The following USP34 variants were observed in gnomAD, a reference collection of about 807,000 sequenced individuals.
USP34 encodes ubiquitin carboxyl-terminal hydrolase 34.
In USP34, 70 loss-of-function variants were observed where a neutral mutation model predicts 460.3. That is an observed-to-expected ratio of 0.15 (90% CI 0.13 to 0.19). USP34 has a LOEUF of 0.19. Ranked by LOEUF, USP34 falls within the 10% of genes least tolerant of loss-of-function variation. The pLI is 1.00. For missense variants in USP34, 3,985 were observed against 4,236.2 expected, an observed-to-expected ratio of 0.94 and a Z score of 1.65; for synonymous variants, 1,647 against 1,405.3, an observed-to-expected ratio of 1.17 and a Z score of -3.85.
At chr2:61,201,559 C>G (rs1339941623) in intron 75 of USP34, among the ~76,000 whole-genome samples, 2 of 152,112 alleles carry the variant, frequency 1.3e-5, no homozygotes, top group African/African-American at 4.8e-5. Context: ...GAACTAAACC[C>G]TATGAGGCAA....
chr2:61,286,654 C>CA lies in USP34; in HGVS notation c.4750-1698dup, dbSNP rs199528159. ...TGGGCAACAGAGCTAGGCTCCGTCT[C>CA]AAAAAAAAACCCCAAACCACTGGCA... is the stretch of plus-strand genomic sequence containing the variant. On this transcript the variant is annotated intron_variant, in intron 34 of 79. Coordinates refer to ENST00000398571, the MANE Select transcript of USP34 (RefSeq NM_014709.4). Among the ~76,000 whole-genome samples, 1,180 of 149,678 alleles carry CA rather than the reference C, an allele frequency of 7.9e-3. 13 individuals carry two copies. Among genetic ancestry groups the CA allele is most frequent in the African/African-American group, 0.026 (1,057 of 40,770 alleles).
intron 15 of USP34, 71 bp from the exon 16 acceptor site, chr2:61,344,100 C>T: frequency 1.4e-6 from 2 of 1,429,606 alleles, no homozygotes; most frequent in Non-Finnish European, 1.9e-6. Flanking sequence ...ACAAAAAATA[C>T]CTCTCTTAAA....
intron 58 of USP34, among the ~76,000 whole-genome samples, chr2:61,231,422 T>C (rs1005296331): frequency 6.6e-6 from 1 of 152,110 alleles, no homozygotes; most frequent in Admixed American, 6.6e-5. Context: ...GTATAAGAAT[T>C]GTAACTTAGG....
intron 43 of USP34, among the ~76,000 whole-genome samples, chr2:61,264,081 A>T (rs1688976242): frequency 6.6e-6 from 1 of 152,234 alleles, no homozygotes; most frequent in Admixed American, 6.5e-5. Flanking sequence ...AACTGCTTTT[A>T]TAAGACTACG....
intron 72 of USP34, 77 bp downstream of exon 72, chr2:61,205,940 G>C (rs1408605243): frequency 8.9e-7 from 1 of 1,119,336 alleles, no homozygotes; most frequent in Non-Finnish European, 1.3e-6. Context: ...AACACTACAG[G>C]CTTAACATCA....
intron 53 of USP34, among the ~76,000 whole-genome samples, chr2:61,237,876 A>G (rs1262459981): frequency 6.6e-6 from 1 of 150,766 alleles, no homozygotes; most frequent in African/African-American, 2.4e-5. Context: ...CACCCTGCCC[A>G]GCCACCCTAG....
intron 41 of USP34, among the ~76,000 whole-genome samples, chr2:61,268,438 T>TAAAAAAA (rs35618230): frequency 7.5e-5 from 4 of 53,416 alleles, no homozygotes; most frequent in African/African-American, 2.2e-4. Context: ...GAGCTGTTGT[T>TAAAAAAA]AAAAAAAAAA....
chr2:61,451,977 C>T (rs1695292049), intron 1 of USP34, among the ~76,000 whole-genome samples: 1 of 151,930 alleles, frequency 6.6e-6, no homozygotes, highest in Admixed American at 6.6e-5. Flanking sequence ...AGATCGAGAC[C>T]ATCCTGGCTA....
At chr2:61,423,428 A>T (rs555218568) in intron 1 of USP34, among the ~76,000 whole-genome samples, 2 of 152,310 alleles carry the variant, frequency 1.3e-5, no homozygotes, top group South Asian at 4.1e-4. Flanking sequence ...TGAACAATTT[A>T]AAAAGGAAAT....
rs933959698 is a variant in USP34 at position 61,369,420 on chromosome 2, G to A, written c.1251+901C>T. 3.8e-4 allele frequency among the ~76,000 whole-genome samples: 57 copies of A among 151,968 alleles called. 1 individual carries two copies. Among genetic ancestry groups the A allele is most frequent in the Admixed American group, 3.5e-3 (53 of 15,260 alleles). ...AGCACACTGGGAGGCCGAGGTGGGC[G>A]GATCATGAGGTCAGGAGTTCGAGAC... On this transcript the variant is annotated intron_variant, in intron 10 of 79. Transcript: ENST00000398571.
chr2:61,204,222 T>C (rs768228878), intron 74 of USP34, 34 bp downstream of exon 74: 18 of 1,613,808 alleles, frequency 1.1e-5, no homozygotes, highest in African/African-American at 1.3e-5. Flanking sequence ...CTTTGTACTA[T>C]AGCAACATGG....
rs769366356 is a variant in USP34, at chr2:61,248,541, A to G, written c.6364T>C (p.Phe2122Leu). ...TTCCTCTCACTCTTTCCCATAAGAAAATCTTCTGTATAGGGCGTCATGTCC... is the reference window on the plus strand; with the variant it reads ...TTCCTCTCACTCTTTCCCATAAGAAGATCTTCTGTATAGGGCGTCATGTCC... Reference protein sequence around the residue: ...RLDMTPYTEDFLMGKSERKEG... With the variant: ...RLDMTPYTEDLLMGKSERKEG... Residue 2122 changes from phenylalanine to leucine, a missense_variant, in exon 49 of 80, where the codon TTT (phenylalanine) becomes CTT (leucine). Transcript: ENST00000398571. The G allele has an allele frequency of 6.4e-7, 1 of 1,572,648 alleles. No individual in the cohort carries two copies. Among genetic ancestry groups the G allele is most frequent in the South Asian group, 1.2e-5 (1 of 84,026 alleles).
At chr2:61,393,799 T>C (rs952158953) in intron 5 of USP34, among the ~76,000 whole-genome samples, 1 of 152,166 alleles carries the variant, frequency 6.6e-6, no homozygotes, top group East Asian at 1.9e-4. Context: ...ATGACCAGAA[T>C]AGGTTATTAA....
chr2:61,395,356 A>G, intron 3 of USP34, 123 bp from the exon 4 acceptor site: 1 of 646,534 alleles, frequency 1.5e-6, no homozygotes, highest in Non-Finnish European at 2.7e-6. Context: ...ATTACTCCTG[A>G]TAAGCAGTGA....
chr2:61,280,313 T>G lies in USP34; in HGVS notation c.5187A>C (p.Pro1729=). Residue 1729 remains proline (P), a synonymous_variant, in exon 39 of 80, where the codon CCA becomes CCC. Transcript: ENST00000398571. ...ACAACCAAAAATACTCTTTACATCC[T>G]GGTTTTAATATTGGTTCTTCCTCAT... ...DDYEEEPILK[P]GCKEYFWLLC... 1 of 1,556,542 alleles carries G rather than the reference T, an allele frequency of 6.4e-7. No individual in the cohort carries two copies. Among genetic ancestry groups the G allele is most frequent in the East Asian group, 2.4e-5 (1 of 42,058 alleles).
At chr2:61,355,540 G>A (rs1692076758) in intron 10 of USP34, among the ~76,000 whole-genome samples, 1 of 152,002 alleles carries the variant, frequency 6.6e-6, no homozygotes, top group South Asian at 2.1e-4. Context: ...TATACCTTTA[G>A]GAAGTTAAAT....
intron 1 of USP34, among the ~76,000 whole-genome samples, chr2:61,422,414 C>T (rs571130293): frequency 6.6e-6 from 1 of 152,282 alleles, no homozygotes; most frequent in East Asian, 1.9e-4. Context: ...AGCCTAGCTG[C>T]TAACCAACAA....
Position 61,262,506 on chromosome 2 carries a change from G to GA in USP34, c.5779-2731dup, listed in dbSNP as rs557568798. ...CAGTTCCATACATGTTTTTGCAAAA[G>GA]ACATGGTCTTGTTCTTTTTTTATGG... is the stretch of plus-strand genomic sequence containing the variant. On this transcript the variant is annotated intron_variant, in intron 43 of 79. Coordinates refer to ENST00000398571, the MANE Select transcript of USP34 (RefSeq NM_014709.4). Among the ~76,000 whole-genome samples the GA allele has an allele frequency of 4.0e-4, 61 of 152,238 alleles. No individual in the cohort carries two copies. In the East Asian group the frequency reaches 0.011, roughly 28 times the overall value.
At chr2:61,394,551 A>T (rs1173872782) in intron 5 of USP34, among the ~76,000 whole-genome samples, 4 of 62,914 alleles carry the variant, frequency 6.4e-5, no homozygotes, top group Non-Finnish European at 1.6e-4. Context: ...AAAAAAAAAA[A>T]AAAAAAATAA....
Sources: allele counts gnomAD v4.1 joint callset (sites outside exome capture counted in the v4.1 genomes callset), GRCh38; gene constraint gnomAD v4.1.1; transcripts MANE v1.5; gene names NCBI Gene and HGNC (gene_info 2026-07-23, HGNC 2026-07-21).